SLC71A2: variants seen among roughly 807,000 people sequenced by gnomAD.
SLC71A2 encodes hippocampus abundant transcript-like 1.
chr9:94,407,623 C>T, the SLC71A2 span, among the ~76,000 whole-genome samples: 145 of 152,138 alleles, frequency 9.5e-4, no homozygotes, highest in African/African-American at 3.2e-3. Flanking sequence ...GTGATCCACC[C>T]GCCTCGGCCT....
chr9:94,452,554 G>A, the SLC71A2 span, among the ~76,000 whole-genome samples: 25 of 151,298 alleles, frequency 1.7e-4, no homozygotes, highest in Middle Eastern at 3.5e-3. Context: ...CCGAGATTGC[G>A]CCACTGCACT....
the SLC71A2 span, among the ~76,000 whole-genome samples, chr9:94,447,993 C>T: frequency 5.9e-5 from 9 of 152,164 alleles, no homozygotes; most frequent in East Asian, 7.7e-4. Context: ...TTGTTTTTGG[C>T]ATTTGTTTGG....
At chr9:94,388,330 G>A in the SLC71A2 span, among the ~76,000 whole-genome samples, 3 of 152,178 alleles carry the variant, frequency 2.0e-5, no homozygotes, top group African/African-American at 7.2e-5. Context: ...TACTCCTTGG[G>A]TGGGAAACTT....
At chr9:94,392,459 C>A in the SLC71A2 span, among the ~76,000 whole-genome samples, 1 of 151,968 alleles carries the variant, frequency 6.6e-6, no homozygotes, top group African/African-American at 2.4e-5. Flanking sequence ...TTCAGTTGAA[C>A]TGAAAGATTG....
At chr9:94,376,102 G>GTA in the SLC71A2 span, among the ~76,000 whole-genome samples, 1 of 151,982 alleles carries the variant, frequency 6.6e-6, no homozygotes, top group African/African-American at 2.4e-5. Flanking sequence ...GAGAAATTCT[G>GTA]TATAATTGCT....
chr9:94,387,387 AT>A, the SLC71A2 span, among the ~76,000 whole-genome samples: 1 of 152,008 alleles, frequency 6.6e-6, no homozygotes, highest in Admixed American at 6.6e-5. Flanking sequence ...CGCCTTTTAA[AT>A]TTAATCTTCT....
chr9:94,431,339 G>GC, the SLC71A2 span, among the ~76,000 whole-genome samples: 1 of 151,498 alleles, frequency 6.6e-6, no homozygotes, highest in Non-Finnish European at 1.5e-5. Context: ...TTATGCCCTA[G>GC]TAATGTGCTG....
chr9:94,390,738 T>A, the SLC71A2 span, among the ~76,000 whole-genome samples: 1 of 152,208 alleles, frequency 6.6e-6, no homozygotes, highest in Non-Finnish European at 1.5e-5. Context: ...TCTTTCCTTC[T>A]CCTTTGTGTC....
the SLC71A2 span, among the ~76,000 whole-genome samples, chr9:94,444,579 C>T: frequency 1.3e-5 from 2 of 152,192 alleles, no homozygotes; most frequent in Non-Finnish European, 1.5e-5. Flanking sequence ...GAATTCTTTT[C>T]ATACCATCTC....
At chr9:94,386,536 A>G in the SLC71A2 span, among the ~76,000 whole-genome samples, 10,412 of 151,970 alleles carry the variant, frequency 0.069, 453 homozygotes, top group Non-Finnish European at 0.1. Context: ...TGTGCTTATC[A>G]GTACCCTGCT....
At chr9:94,455,378 A>ATTTTTTTTTTTTTTTTTTTTTTT in the SLC71A2 span, among the ~76,000 whole-genome samples, 44 of 85,778 alleles carry the variant, frequency 5.1e-4, 3 homozygotes, top group Non-Finnish European at 7.1e-4. Context: ...TAATATTCTG[A>ATTTTTTTTTTTTTTTTTTTTTTT]TTTTTTTTTT....
At chr9:94,408,433 G>A in the SLC71A2 span, among the ~76,000 whole-genome samples, 1 of 152,294 alleles carries the variant, frequency 6.6e-6, no homozygotes, top group East Asian at 1.9e-4. Context: ...CAAAGAGTGA[G>A]TTAGAAAGTG....
chr9:94,388,913 G>A, the SLC71A2 span, among the ~76,000 whole-genome samples: 2 of 152,202 alleles, frequency 1.3e-5, no homozygotes, highest in East Asian at 1.9e-4. Context: ...TCCTGGTCCC[G>A]AGTGTTTGGG....
the SLC71A2 span, among the ~76,000 whole-genome samples, chr9:94,449,740 C>T: frequency 1.3e-5 from 2 of 152,202 alleles, no homozygotes; most frequent in African/African-American, 4.8e-5. Flanking sequence ...ACCCATGAGA[C>T]ATGAAAACAC....
the SLC71A2 span, among the ~76,000 whole-genome samples, chr9:94,420,339 C>G: frequency 5.3e-5 from 8 of 152,152 alleles, no homozygotes; most frequent in African/African-American, 1.7e-4. Context: ...TAAACTGATA[C>G]CCACAGAGCT....
At chr9:94,405,131 T>G in the SLC71A2 span, among the ~76,000 whole-genome samples, 2 of 152,328 alleles carry the variant, frequency 1.3e-5, no homozygotes, top group South Asian at 4.1e-4. Context: ...TTGGTACCCT[T>G]GTTGCATATC....
the SLC71A2 span, among the ~76,000 whole-genome samples, chr9:94,381,874 G>A: frequency 2.6e-5 from 4 of 152,180 alleles, no homozygotes; most frequent in Non-Finnish European, 4.4e-5. Context: ...GTTGTACATT[G>A]CAGCTAGCAC....
the SLC71A2 span, among the ~76,000 whole-genome samples, chr9:94,418,430 A>T: frequency 6.6e-6 from 1 of 151,782 alleles, no homozygotes; most frequent in East Asian, 1.9e-4. Context: ...TTTCCTATTC[A>T]CTGAGTGATT....
chr9:94,439,144 C>G, the SLC71A2 span, among the ~76,000 whole-genome samples: 2 of 151,124 alleles, frequency 1.3e-5, no homozygotes, highest in African/African-American at 4.9e-5. Context: ...GCCTCAGCCT[C>G]CTGAGTAGCT....
Sources: allele counts gnomAD v4.1 joint callset (sites outside exome capture counted in the v4.1 genomes callset), GRCh38; gene constraint gnomAD v4.1.1; transcripts MANE v1.5; gene names NCBI Gene and HGNC (gene_info 2026-07-23, HGNC 2026-07-21).